Variants in C5AR1 observed in about 807,000 individuals in gnomAD.
The protein encoded by C5AR1 is complement C5a receptor 1.
C5AR1 carries 4 observed loss-of-function variants against 2.4 expected under a neutral mutation model. The observed-to-expected ratio is 1.65, with a 90% confidence interval of 0.81 to 3.77. The LOEUF (loss-of-function observed/expected upper bound fraction) is 3.77, where lower values mean the gene tolerates loss of function less well. Among genes scored for constraint, C5AR1 ranks in the 30% most tolerant of loss-of-function variants. C5AR1 has a pLI of 0.01. For missense variants in C5AR1, 418 were observed against 462.5 expected, an observed-to-expected ratio of 0.90 and a Z score of 0.88; for synonymous variants, 209 against 210.4, an observed-to-expected ratio of 0.99 and a Z score of 0.06.
intron 1 of C5AR1, among the ~76,000 whole-genome samples, chr19:47,313,175 AC>A (rs1361458299): frequency 6.6e-6 from 1 of 151,642 alleles, no homozygotes; most frequent in Non-Finnish European, 1.5e-5. Context: ...ACGGGATTTC[AC>A]CATGTTGGCC....
intron 1 of C5AR1, among the ~76,000 whole-genome samples, chr19:47,313,501 C>T (rs2059277088): frequency 6.6e-6 from 1 of 151,284 alleles, no homozygotes; most frequent in South Asian, 2.1e-4. Flanking sequence ...GTAATCCCAG[C>T]ACTTTGGGAG....
chr19:47,318,691 G>C (rs2059297760), intron 1 of C5AR1, among the ~76,000 whole-genome samples: 1 of 151,986 alleles, frequency 6.6e-6, no homozygotes, highest in Non-Finnish European at 1.5e-5. Flanking sequence ...AGTAAGTACT[G>C]GCTGCTTTCG....
intron 1 of C5AR1, among the ~76,000 whole-genome samples, chr19:47,317,027 GA>G (rs1001934210): frequency 2.6e-4 from 38 of 144,550 alleles, no homozygotes; most frequent in African/African-American, 8.7e-4. Flanking sequence ...AAAAAAAAAA[GA>G]AAAAAAATAC....
Position 47,320,089 on chromosome 19 carries a change from T to A in C5AR1, c.312T>A (p.Phe104Leu). ...TTGTACAGCATCACCACTGGCCCTT[T>A]GGCGGGGCCGCCTGCAGCATCCTGC... is the stretch of plus-strand genomic sequence containing the variant. Reference protein sequence around the residue: ...TSIVQHHHWPFGGAACSILPS... With the variant: ...TSIVQHHHWPLGGAACSILPS... The change falls in exon 2 of 2, where the codon TTT becomes TTA. Residue 104 changes from phenylalanine to leucine, a missense_variant. Phe to Leu is a conservative substitution (Grantham distance 22, BLOSUM62 0). Transcript: ENST00000355085. The surrounding 1 kb of genome is among the most constrained non-coding windows in gnomAD (Gnocchi z 4.9). 6.2e-7 allele frequency: 1 copy of A among 1,614,184 alleles called. No individual in the cohort carries two copies. The highest frequency in any genetic ancestry group is 8.5e-7 in the Non-Finnish European group (1 of 1,180,046).
chr19:47,308,202 G>C (rs575559151), upstream of C5AR1, among the ~76,000 whole-genome samples: 5 of 113,972 alleles, frequency 4.4e-5, no homozygotes, highest in South Asian at 1.6e-3. Flanking sequence ...GAGAGAGTGA[G>C]ACTCCATCTC....
intron 1 of C5AR1, among the ~76,000 whole-genome samples, chr19:47,312,292 G>A (rs1254912419): frequency 2.6e-5 from 4 of 152,026 alleles, no homozygotes; most frequent in Non-Finnish European, 4.4e-5. Flanking sequence ...CACCGTGTTG[G>A]CCAGGCTGGT....
upstream of C5AR1, among the ~76,000 whole-genome samples, chr19:47,308,491 C>G (rs2059260495): frequency 6.6e-6 from 1 of 151,714 alleles, no homozygotes; most frequent in Non-Finnish European, 1.5e-5. Flanking sequence ...AGGGTAGCTC[C>G]ATTTTCTATT....
chr19:47,320,576 T>C lies in C5AR1; in HGVS notation c.799T>C (p.Phe267Leu). ...PYQVTGIMMSFLEPSSPTFLL... is the reference protein window; with the variant it reads ...PYQVTGIMMSLLEPSSPTFLL... ...CCAGGTGACGGGGATAATGATGTCC[T>C]TCCTGGAGCCATCGTCACCCACCTT... The change falls in exon 2 of 2, where the codon TTC (phenylalanine) becomes CTC (leucine). Residue 267 changes from phenylalanine (F) to leucine (L), a missense_variant. By Grantham distance (22) the Phe-to-Leu change is conservative (BLOSUM62 0). Transcript: ENST00000355085. The surrounding 1 kb of genome is among the most constrained non-coding windows in gnomAD (Gnocchi z 4.9). 1 of 1,614,054 alleles carries C rather than the reference T, an allele frequency of 6.2e-7. No homozygotes were observed. Among genetic ancestry groups the C allele is most frequent in the Non-Finnish European group, 8.5e-7 (1 of 1,180,002 alleles).
intron 1 of C5AR1, among the ~76,000 whole-genome samples, chr19:47,312,681 C>G (rs967009982): frequency 6.6e-6 from 1 of 152,196 alleles, no homozygotes; most frequent in Admixed American, 6.6e-5. Context: ...TTCCCCTTAA[C>G]CTTGAGGAAG....
intron 1 of C5AR1, among the ~76,000 whole-genome samples, chr19:47,312,079 C>T (rs2059272844): frequency 6.6e-6 from 1 of 152,158 alleles, no homozygotes; most frequent in Admixed American, 6.6e-5. Flanking sequence ...CTCCGTGCTT[C>T]TGTCTCCTTA....
At chr19:47,319,546 C>G (rs1385039318) in intron 1 of C5AR1, among the ~76,000 whole-genome samples, 2 of 149,944 alleles carry the variant, frequency 1.3e-5, no homozygotes, top group African/African-American at 2.5e-5. Flanking sequence ...TGGGCTCAAG[C>G]AGTCCGCCCG....
chr19:47,309,868 A>AAGG lies in C5AR1; in HGVS notation c.-28_-27insAGG. ...AGCCCTTGGGCAGGAGGGACCTTCG[A>AAGG]TCCTCGGGGAGCCCAGGAGACCAGA... is the stretch of plus-strand genomic sequence containing the variant. On this transcript the variant is annotated 5_prime_UTR_variant, in exon 1 of 2. Transcript: ENST00000355085. 1 of 1,612,276 alleles carries AAGG rather than the reference A, an allele frequency of 6.2e-7. No individual in the cohort carries two copies.
chr19:47,322,030 A>G lies in C5AR1; in HGVS notation c.*1200A>G, dbSNP rs201253383. ...TTTTGAGCTTAAAAAAAAAGTATACATGACTTTAATGAGGAAAATAAAAAT... is the reference window on the plus strand; with the variant it reads ...TTTTGAGCTTAAAAAAAAAGTATACGTGACTTTAATGAGGAAAATAAAAAT... On this transcript the variant is annotated 3_prime_UTR_variant, in exon 2 of 2. Coordinates refer to ENST00000355085, the MANE Select transcript of C5AR1 (RefSeq NM_001736.4). The G allele has an allele frequency of 3.3e-5, 5 of 152,190 alleles. No homozygotes were observed. Among genetic ancestry groups the G allele is most frequent in the African/African-American group, 7.2e-5 (3 of 41,442 alleles). 9.4% of individuals were successfully genotyped at this position (152,190 alleles called of 1,614,324 possible).
At chr19:47,313,737 C>T (rs1418593936) in intron 1 of C5AR1, among the ~76,000 whole-genome samples, 3 of 149,902 alleles carry the variant, frequency 2.0e-5, no homozygotes, top group African/African-American at 4.9e-5. Context: ...AGCGAGATTC[C>T]GTCTCATAAA....
In C5AR1 at chr19:47,319,997, T is replaced by G. The variant is rs1398302325; in HGVS notation, c.220T>G (p.Trp74Gly). The change falls in exon 2 of 2, where the codon TGG becomes GGG. Residue 74 changes from tryptophan (W) to glycine (G), a missense_variant. Physicochemically the swap from Trp to Gly is radical, Grantham distance 184. Transcript: ENST00000355085. ...FEAKRTINAI[W>G]FLNLAVADFL... ...GGCCAAGCGGACCATCAATGCCATC[T>G]GGTTCCTCAACTTGGCGGTAGCCGA... The G allele has an allele frequency of 1.2e-6, 2 of 1,614,276 alleles. No homozygotes were observed. The highest frequency in any genetic ancestry group is 2.2e-5 in the South Asian group (2 of 91,088).
chr19:47,311,818 G>T lies in C5AR1; in HGVS notation c.3+1920G>T, dbSNP rs572102550. 6.6e-5 allele frequency among the ~76,000 whole-genome samples: 10 copies of T among 152,000 alleles called. No individual in the cohort carries two copies. In the East Asian group the frequency reaches 2.0e-3, roughly 30 times the overall value. On this transcript the variant is annotated intron_variant, in intron 1 of 1. Transcript: ENST00000355085. ...TGACCTCACGTGATCCACCCACATT[G>T]GTCTCCCAAAGTGCTGGGATTACAG...
intron 1 of C5AR1, among the ~76,000 whole-genome samples, chr19:47,313,564 C>G (rs983302606): frequency 6.6e-6 from 1 of 151,644 alleles, no homozygotes; most frequent in Admixed American, 6.6e-5. Flanking sequence ...CTGGCTAACA[C>G]GGTGAAACCC....
intron 1 of C5AR1, among the ~76,000 whole-genome samples, chr19:47,311,608 A>G (rs2059270930): frequency 6.6e-6 from 1 of 151,856 alleles, no homozygotes; most frequent in African/African-American, 2.4e-5. Flanking sequence ...CTTGTCGCCC[A>G]GGCTGGAGTG....
In C5AR1 at chr19:47,319,846, C is replaced by T. The variant is rs2059302345; in HGVS notation, c.69C>T (p.Asn23=). 1.9e-6 allele frequency: 3 copies of T among 1,614,026 alleles called. No individual in the cohort carries two copies. Among genetic ancestry groups the T allele is most frequent in the Admixed American group, 3.3e-5 (2 of 60,006 alleles). The part of the protein sequence containing the change: ...HYDDKDTLDL[N]TPVDKTSNTL... Reference sequence around the variant, plus strand: ...ATGACAAGGATACCCTGGACCTCAACACCCCTGTGGATAAAACTTCTAACA... The same window carrying T: ...ATGACAAGGATACCCTGGACCTCAATACCCCTGTGGATAAAACTTCTAACA... Residue 23 remains asparagine, a synonymous_variant, in exon 2 of 2, where the codon AAC becomes AAT. Coordinates refer to ENST00000355085, the MANE Select transcript of C5AR1 (RefSeq NM_001736.4).
Sources: allele counts gnomAD v4.1 joint callset (sites outside exome capture counted in the v4.1 genomes callset), GRCh38; gene constraint gnomAD v4.1.1; non-coding constraint Gnocchi (gnomAD v3.1); transcripts MANE v1.5; gene names NCBI Gene and HGNC (gene_info 2026-07-23, HGNC 2026-07-21).